The following HINT1 variants were observed in gnomAD, a reference collection of about 807,000 sequenced individuals.
HINT1 encodes the protein histidine triad nucleotide binding protein 1.
Under a neutral mutation model 11.2 loss-of-function variants are expected in HINT1, and 12 were observed. That is an observed-to-expected ratio of 1.07 (90% CI 0.69 to 1.74). The LOEUF is 1.74. Among genes scored for constraint, HINT1 ranks in the 40% most tolerant of loss-of-function variants. The probability of loss-of-function intolerance (pLI) is 0.00; values close to 1 mark genes in which losing one functional copy is unlikely to be tolerated. For missense variants in HINT1, 150 were observed against 161.8 expected (o/e 0.93, Z 0.40); for synonymous variants, 42 against 52.6 (o/e 0.80, Z 0.87).
At chr5:131,162,298 G>A (rs1030407441) in intron 2 of HINT1, 8 of 658,130 alleles carry the variant, frequency 1.2e-5, no homozygotes, top group East Asian at 2.7e-5. Context: ...CAGCCTGGGC[G>A]ACAGAGCAAG....
chr5:131,164,307 G>A (rs925462278), intron 1 of HINT1, among the ~76,000 whole-genome samples: 3 of 152,170 alleles, frequency 2.0e-5, no homozygotes, highest in Non-Finnish European at 4.4e-5. Context: ...TCACCTACAA[G>A]AAGTCAACAA....
intron 2 of HINT1, chr5:131,162,316 CT>C: frequency 1.4e-6 from 1 of 698,128 alleles, no homozygotes; most frequent in African/African-American, 2.0e-5. Context: ...AAGACTCTGT[CT>C]CAAAAAAAAA....
chr5:131,163,932 G>A (rs939413843), intron 1 of HINT1, among the ~76,000 whole-genome samples: 3 of 152,098 alleles, frequency 2.0e-5, no homozygotes, highest in Non-Finnish European at 2.9e-5. Flanking sequence ...TTCTACAGTT[G>A]GACTTCGGTG....
Position 131,159,324 on chromosome 5 carries a change from G to T in HINT1, c.*123C>A. On this transcript the variant is annotated 3_prime_UTR_variant, in exon 3 of 3. Coordinates refer to ENST00000304043, the MANE Select transcript of HINT1 (RefSeq NM_005340.7). ...CAACAATGTCTTTTATTATGTATGC[G>T]GTTTTAAAATTATTTCTTGAATCTC... 1.4e-6 allele frequency: 1 copy of T among 698,056 alleles called. No individual in the cohort carries two copies. The highest frequency in any genetic ancestry group is 2.3e-6 in the Non-Finnish European group (1 of 427,648). The allele number at this position is 698,056 out of a possible 1,614,324, so 43.2% of individuals were successfully genotyped here.
rs1428493876 is a variant in HINT1, at chr5:131,165,108, A to G, written c.98T>C (p.Phe33Ser). The G allele has an allele frequency of 5.0e-6, 8 of 1,613,750 alleles. No homozygotes were observed. Among genetic ancestry groups the G allele is most frequent in the Non-Finnish European group, 6.8e-6 (8 of 1,179,918 alleles). Residue 33 changes from phenylalanine (F) to serine (S), a missense_variant, in exon 1 of 3, where the codon TTT becomes TCT. Coordinates refer to ENST00000304043, the MANE Select transcript of HINT1 (RefSeq NM_005340.7). The stretch of plus-strand genomic sequence containing the variant: ...CCCAGTACCTACCCGGTCATCCTCA[A>G]AAATGATTTTGGCTGGTATTTCCTT... ...IRKEIPAKII[F>S]EDDRCLAFHD...
intron 2 of HINT1, among the ~76,000 whole-genome samples, chr5:131,161,294 T>C (rs1755240633): frequency 1.3e-5 from 2 of 152,182 alleles, no homozygotes; most frequent in Non-Finnish European, 2.9e-5. Context: ...TGTCTAATTA[T>C]ACTAAATGTT....
At chr5:131,160,886 T>G in intron 2 of HINT1, 1 of 455,200 alleles carries the variant, frequency 2.2e-6, no homozygotes, top group Non-Finnish European at 4.4e-6. Flanking sequence ...TTTGCCCAAC[T>G]GTAGGTTAAC....
intron 2 of HINT1, chr5:131,160,634 C>T (rs554655155): frequency 2.9e-6 from 3 of 1,036,930 alleles, no homozygotes; most frequent in Non-Finnish European, 3.7e-6. Flanking sequence ...TATTAAGCCC[C>T]AGGACAGTGG....
chr5:131,164,756 G>T (rs1472274226), intron 1 of HINT1, among the ~76,000 whole-genome samples: 1 of 152,160 alleles, frequency 6.6e-6, no homozygotes, highest in Admixed American at 6.5e-5. Context: ...CCTGATACAG[G>T]CAAGGTCCGA....
chr5:131,159,463 T>C lies in HINT1; in HGVS notation c.365A>G (p.His122Arg). The change falls in exon 3 of 3, where the codon CAT becomes CGT. Residue 122 changes from histidine (H) to arginine (R), a missense_variant. Physicochemically the swap from His to Arg is conservative, Grantham distance 29. Transcript: ENST00000304043. ...HLHVLGGRQM[H>R]WPPG ...AAAACGTGCTTAACCAGGAGGCCAA[T>C]GCATTTGCCGACCTCCAAGAACATG... 6.2e-7 allele frequency: 1 copy of C among 1,612,158 alleles called. No homozygotes were observed. Among genetic ancestry groups the C allele is most frequent in the Non-Finnish European group, 8.5e-7 (1 of 1,179,828 alleles).
At chr5:131,164,832 C>A (rs1755352431) in intron 1 of HINT1, among the ~76,000 whole-genome samples, 1 of 151,878 alleles carries the variant, frequency 6.6e-6, no homozygotes, top group Non-Finnish European at 1.5e-5. Context: ...CGCCCAGGCC[C>A]CGCGGTGCGG....
Position 131,165,181 on chromosome 5 carries a change from G to A in HINT1, c.25C>T (p.Gln9Ter). 6.2e-7 allele frequency: 1 copy of A among 1,609,696 alleles called. No individual in the cohort carries two copies. The highest frequency in any genetic ancestry group is 1.1e-5 in the South Asian group (1 of 91,076). Reference sequence around the variant, plus strand: ...GTGTCGCCACCAGGCCGAGCGACCTGAGCCTTGGCAATCTCATCTGCCATC... The same window carrying A: ...GTGTCGCCACCAGGCCGAGCGACCTAAGCCTTGGCAATCTCATCTGCCATC... MADEIAKAQVARPGGDTIF... is the reference protein window; with the variant it reads MADEIAKA The change falls in exon 1 of 3, where the codon CAG becomes TAG. Residue 9 changes from glutamine (Q) to a stop codon, truncating the protein, a stop_gained. Coordinates refer to ENST00000304043, the MANE Select transcript of HINT1 (RefSeq NM_005340.7). LOFTEE classifies it high-confidence loss of function.
At chr5:131,164,078 C>T (rs1331536933) in intron 1 of HINT1, among the ~76,000 whole-genome samples, 1 of 151,920 alleles carries the variant, frequency 6.6e-6, no homozygotes, top group Non-Finnish European at 1.5e-5. Context: ...CTAGAGGAAC[C>T]TAATTAAATT....
Position 131,162,580 on chromosome 5 carries a change from C to T in HINT1, c.208G>A (p.Asp70Asn). Residue 70 changes from aspartate (D) to asparagine (N), a missense_variant, in exon 2 of 3, where the codon GAT (aspartate) becomes AAT (asparagine). Transcript: ENST00000304043. ...ISQISVAEDD[D>N]ESLLGHLMIV... ...GTTAGAAATGTACTTACACTTTCAT[C>T]ATCATCTTCTGCCACAGAAATCTGG... The T allele has an allele frequency of 6.2e-7, 1 of 1,610,414 alleles. No individual in the cohort carries two copies. Among genetic ancestry groups the T allele is most frequent in the Non-Finnish European group, 8.5e-7 (1 of 1,176,672 alleles).
chr5:131,159,561 G>A lies in HINT1; in HGVS notation c.267C>T (p.Gly89=). The change falls in exon 3 of 3, where the codon GGC becomes GGT. Residue 89 remains glycine (G), a synonymous_variant. Coordinates refer to ENST00000304043, the MANE Select transcript of HINT1 (RefSeq NM_005340.7). ...CCACCATTCGATAACCCTTATTCAG[G>A]CCCAGATCAGCAGCACATTTCTTGC... ...IVGKKCAADL[G]LNKGYRMVVN... is the part of the protein sequence containing the mutation. 1 of 1,613,432 alleles carries A rather than the reference G, an allele frequency of 6.2e-7. No homozygotes were observed. Among genetic ancestry groups the A allele is most frequent in the Non-Finnish European group, 8.5e-7 (1 of 1,179,706 alleles).
intron 2 of HINT1, among the ~76,000 whole-genome samples, chr5:131,161,212 A>C (rs1309046085): frequency 1.3e-5 from 2 of 152,212 alleles, no homozygotes; most frequent in East Asian, 1.9e-4. Context: ...CTGAGTAAAA[A>C]TTAACATTTT....
At chr5:131,160,908 C>A (rs937502003) in intron 2 of HINT1, 1 of 447,302 alleles carries the variant, frequency 2.2e-6, no homozygotes, top group Non-Finnish European at 4.5e-6. Context: ...TTAAGTGTTC[C>A]GAGCAAGCTT....
At position 131,165,211 on chromosome 5, in the gene HINT1, C is replaced by G. The variant is rs376364154; in HGVS notation, c.-6G>C. Reference sequence around the variant, plus strand: ...TTGGCAATCTCATCTGCCATCTCGGCCTCTCTCCCGCGCGGCGGCCAGAGG... The same window carrying G: ...TTGGCAATCTCATCTGCCATCTCGGGCTCTCTCCCGCGCGGCGGCCAGAGG... On this transcript the variant is annotated 5_prime_UTR_variant, in exon 1 of 3. Transcript: ENST00000304043. 6.2e-7 allele frequency: 1 copy of G among 1,604,382 alleles called. No homozygotes were observed. The highest frequency in any genetic ancestry group is 1.7e-5 in the Admixed American group (1 of 60,012).
chr5:131,165,074 G>A (rs1426249989), intron 1 of HINT1, 21 bp downstream of exon 1: 1 of 1,613,488 alleles, frequency 6.2e-7, no homozygotes, highest in Non-Finnish European at 8.5e-7. Context: ...GCAGGCGAGA[G>A]AGGTGGTGCC....
Sources: allele counts gnomAD v4.1 joint callset (sites outside exome capture counted in the v4.1 genomes callset), GRCh38; gene constraint gnomAD v4.1.1; transcripts MANE v1.5; gene names NCBI Gene and HGNC (gene_info 2026-07-23, HGNC 2026-07-21).